The following HSBP1 variants were observed in gnomAD, a reference collection of about 807,000 sequenced individuals.
HSBP1 encodes the protein heat shock factor binding protein 1, also known as heat shock factor-binding protein 1.
Under a neutral mutation model 9.6 loss-of-function variants are expected in HSBP1, and 5 were observed. That is an observed-to-expected ratio of 0.52 (90% confidence interval 0.27 to 1.09). The LOEUF is 1.09. HSBP1 is among the 50% of genes least tolerant of loss of function. HSBP1 has a pLI of 0.11. For synonymous variants in HSBP1, 42 were observed against 33.3 expected, an observed-to-expected ratio of 1.26 and a Z score of -0.90; for missense variants, 121 against 96.3, an observed-to-expected ratio of 1.26 and a Z score of -1.07.
Position 83,816,933 on chromosome 16 carries a change from CCTTCTAGATGTAA to C in HSBP1, c.*5525_*5537del, listed in dbSNP as rs1321599805. 6 of 152,320 alleles carry C rather than the reference CCTTCTAGATGTAA, an allele frequency of 3.9e-5. No homozygotes were observed. In the East Asian group the frequency reaches 9.6e-4, roughly 24 times the overall value. 9.4% of individuals were successfully genotyped at this position (152,320 alleles called of 1,614,324 possible). A position where few individuals can be genotyped will look rare whatever the true frequency, so the allele number is the denominator to read the frequency against. ...GACAACCTACAGTGTTTGCTACAGA[CCTTCTAGATGTAA>C]CTTCTAGATTATAAACACTGGTAAC... On this transcript the variant is annotated 3_prime_UTR_variant, in exon 4 of 4. Transcript: ENST00000433866.
At chr16:83,808,362 A>G in intron 1 of HSBP1, 1 of 549,986 alleles carries the variant, frequency 1.8e-6, no homozygotes, top group South Asian at 2.3e-5. Flanking sequence ...ATCTGTCGCG[A>G]ACGCCCTCCG....
intron 3 of HSBP1, among the ~76,000 whole-genome samples, chr16:83,810,302 A>G (rs983027338): frequency 6.6e-6 from 1 of 152,154 alleles, no homozygotes; most frequent in African/African-American, 2.4e-5. Context: ...CAAAGTACCT[A>G]CACAGCAAGA....
chr16:83,809,009 G>T, intron 2 of HSBP1: 1 of 548,464 alleles, frequency 1.8e-6, no homozygotes, highest in Non-Finnish European at 3.2e-6. Context: ...GCGCTTTTGT[G>T]TGTGTCTTTT....
rs1312106102 is a variant in HSBP1 at position 83,817,795 on chromosome 16, C to T, written c.*6377C>T. The T allele has an allele frequency of 1.3e-5, 2 of 152,158 alleles. No homozygotes were observed. The highest frequency in any genetic ancestry group is 4.8e-5 in the African/African-American group (2 of 41,424). The allele number at this position is 152,158 out of a possible 1,614,324, so 9.4% of individuals were successfully genotyped here. A position where few individuals can be genotyped will look rare whatever the true frequency, so the allele number is the denominator to read the frequency against. ...CTGTTTCTTTTAACAGTGCATTCTC[C>T]TGAAAACATAAGACCATTTGACTGA... On this transcript the variant is annotated 3_prime_UTR_variant, in exon 4 of 4. Coordinates refer to ENST00000433866, the MANE Select transcript of HSBP1 (RefSeq NM_001537.4).
rs1328605399 is a variant in HSBP1 at position 83,811,566 on chromosome 16, G to C, written c.*148G>C. 2.6e-5 allele frequency: 4 copies of C among 152,228 alleles called. No individual in the cohort carries two copies. The highest frequency in any genetic ancestry group is 7.2e-5 in the African/African-American group (3 of 41,458). The allele number at this position is 152,228 out of a possible 1,614,324, so 9.4% of individuals were successfully genotyped here. ...ACCTAGTATATAGTTAGTTTGTAGA[G>C]TGATTTCCCCCCAGTTTCTTGAACA... On this transcript the variant is annotated 3_prime_UTR_variant, in exon 4 of 4. Transcript: ENST00000433866.
rs1427414587 is a variant in HSBP1 at position 83,808,672 on chromosome 16, T to G, written c.46-8T>G. 5.6e-6 allele frequency: 9 copies of G among 1,608,676 alleles called. No individual in the cohort carries two copies. The highest frequency in any genetic ancestry group is 1.7e-5 in the Admixed American group (1 of 59,742). On this transcript the variant is annotated splice_polypyrimidine_tract_variant and splice_region_variant and intron_variant, in intron 1 of 3. Coordinates refer to ENST00000433866, the MANE Select transcript of HSBP1 (RefSeq NM_001537.4). ...TGGACCGTGTTTGTTTGTTTCGGTT[T>G]TTCTTAGGTGCAGACACTCCTGCAG...
chr16:83,809,331 G>A lies in HSBP1; in HGVS notation c.139G>A (p.Asp47Asn). ...TGATGATATGAGTAGTCGCATTGAT[G>A]ATCTGGAAAAGAATATCGCGGACCT... Reference protein sequence around the residue: ...RIDDMSSRIDDLEKNIADLMT... With the variant: ...RIDDMSSRIDNLEKNIADLMT... Residue 47 changes from aspartate to asparagine, a missense_variant, in exon 3 of 4, where the codon GAT becomes AAT. Physicochemically the swap from Asp to Asn is conservative, Grantham distance 23 (BLOSUM62 1). Transcript: ENST00000433866. 6.2e-7 allele frequency: 1 copy of A among 1,600,222 alleles called. No homozygotes were observed. The highest frequency in any genetic ancestry group is 8.5e-7 in the Non-Finnish European group (1 of 1,172,982).
At chr16:83,810,357 T>C (rs1904572070) in intron 3 of HSBP1, among the ~76,000 whole-genome samples, 1 of 152,036 alleles carries the variant, frequency 6.6e-6, no homozygotes, top group Non-Finnish European at 1.5e-5. Context: ...TGGTGATCCT[T>C]TTCCTCTGTA....
At chr16:83,809,462 CTTTTTTTT>C (rs34576085) in intron 3 of HSBP1, 37 bp downstream of exon 3, 4,989 of 408,068 alleles carry the variant, frequency 0.012, 30 homozygotes, top group East Asian at 0.09. Flanking sequence ...CTTTTCTTTT[CTTTTTTTT>C]TTTTTTTTTT....
At chr16:83,809,467 T>A in intron 3 of HSBP1, 42 bp downstream of exon 3, 2 of 747,248 alleles carry the variant, frequency 2.7e-6, no homozygotes, top group Non-Finnish European at 3.9e-6. Flanking sequence ...CTTTTCTTTT[T>A]TTTTTTTTTT....
chr16:83,818,659 T>C lies in HSBP1; in HGVS notation c.*7241T>C, dbSNP rs1328289850. 2.6e-5 allele frequency: 4 copies of C among 152,212 alleles called. No homozygotes were observed. Among genetic ancestry groups the C allele is most frequent in the African/African-American group, 9.6e-5 (4 of 41,458 alleles). 9.4% of individuals were successfully genotyped at this position (152,212 alleles called of 1,614,324 possible). The stretch of plus-strand genomic sequence containing the variant: ...TTTCTTGGGAACCACCGTGATGTTC[T>C]CTTCTGGACTCTTCGTAACCCCTTC... On this transcript the variant is annotated 3_prime_UTR_variant, in exon 4 of 4. Coordinates refer to ENST00000433866, the MANE Select transcript of HSBP1 (RefSeq NM_001537.4).
rs1904774418 is a variant in HSBP1, at chr16:83,818,708, T to A, written c.*7290T>A. 6.6e-6 allele frequency: 1 copy of A among 152,198 alleles called. No homozygotes were observed. The highest frequency in any genetic ancestry group is 1.5e-5 in the Non-Finnish European group (1 of 68,040). The allele number at this position is 152,198 out of a possible 1,614,324, so 9.4% of individuals were successfully genotyped here. ...TCAGCAGACGACCCTGTATCTGGTC[T>A]TGGTTCTGAAAGGTTTGCAGCGGCA... is the stretch of plus-strand genomic sequence containing the variant. On this transcript the variant is annotated 3_prime_UTR_variant, in exon 4 of 4. Coordinates refer to ENST00000433866, the MANE Select transcript of HSBP1 (RefSeq NM_001537.4).
At chr16:83,809,954 CCA>C (rs1202664776) in intron 3 of HSBP1, among the ~76,000 whole-genome samples, 2 of 152,070 alleles carry the variant, frequency 1.3e-5, no homozygotes, top group Non-Finnish European at 2.9e-5. Context: ...ATTTATTTTC[CCA>C]GTTTTTATTA....
At chr16:83,809,263 G>A in intron 2 of HSBP1, 42 bp from the exon 3 acceptor site, 2 of 1,255,422 alleles carry the variant, frequency 1.6e-6, no homozygotes, top group Non-Finnish European at 2.3e-6. Context: ...GAGGAAAAAG[G>A]CTCAATGAGA....
chr16:83,813,970 T>G lies in HSBP1; in HGVS notation c.*2552T>G, dbSNP rs559948383. 7.2e-5 allele frequency: 11 copies of G among 152,338 alleles called. No homozygotes were observed. The highest frequency in any genetic ancestry group is 2.6e-4 in the African/African-American group (11 of 41,568). The allele number at this position is 152,338 out of a possible 1,614,324, so 9.4% of individuals were successfully genotyped here. On this transcript the variant is annotated 3_prime_UTR_variant, in exon 4 of 4. Coordinates refer to ENST00000433866, the MANE Select transcript of HSBP1 (RefSeq NM_001537.4). ...GTAACTAAGAGTTAATTTGCCCTTG[T>G]GAGTCCTTGGAATTTAAGCCCCACA...
In HSBP1 at chr16:83,813,315, A is replaced by G. The variant is rs1434233212; in HGVS notation, c.*1897A>G. The G allele has an allele frequency of 6.6e-6, 1 of 152,232 alleles. No homozygotes were observed. The highest frequency in any genetic ancestry group is 1.5e-5 in the Non-Finnish European group (1 of 68,062). 9.4% of individuals were successfully genotyped at this position (152,232 alleles called of 1,614,324 possible). ...AACCTCATGAAGAAATTAGCATATT[A>G]AAGACTCTGAAAGTAGAGCAGAGAA... On this transcript the variant is annotated 3_prime_UTR_variant, in exon 4 of 4. Transcript: ENST00000433866.
chr16:83,810,686 G>A (rs1048825886), intron 3 of HSBP1, among the ~76,000 whole-genome samples: 2 of 151,588 alleles, frequency 1.3e-5, no homozygotes, highest in African/African-American at 4.9e-5. Flanking sequence ...AAATTAGCTG[G>A]GTGTGGTGGT....
chr16:83,818,040 T>C lies in HSBP1; in HGVS notation c.*6622T>C, dbSNP rs1204438768. On this transcript the variant is annotated 3_prime_UTR_variant, in exon 4 of 4. Transcript: ENST00000433866. ...AATTAAGAATCTTAAAGGGAAAGAATGTTTTGAAAGCCATCTGTCAAAAGT... is the reference window on the plus strand; with the variant it reads ...AATTAAGAATCTTAAAGGGAAAGAACGTTTTGAAAGCCATCTGTCAAAAGT... The C allele has an allele frequency of 2.6e-5, 4 of 152,216 alleles. No homozygotes were observed. The highest frequency in any genetic ancestry group is 4.8e-5 in the African/African-American group (2 of 41,454). The allele number at this position is 152,216 out of a possible 1,614,324, so 9.4% of individuals were successfully genotyped here. A position where few individuals can be genotyped will look rare whatever the true frequency, so the allele number is the denominator to read the frequency against.
intron 3 of HSBP1, among the ~76,000 whole-genome samples, chr16:83,811,012 TGTGA>T (rs2077600794): frequency 6.6e-6 from 1 of 152,250 alleles, no homozygotes; most frequent in Admixed American, 6.5e-5. Context: ...TCATTCACTG[TGTGA>T]GTAAATCACA....
Sources: gnomAD v4.1 joint callset for allele counts (sites outside exome capture counted in the v4.1 genomes callset) on GRCh38, gnomAD v4.1.1 for gene constraint, MANE v1.5 for transcripts, NCBI Gene and HGNC (gene_info 2026-07-23, HGNC 2026-07-21) for gene names.